ARHGAP35: variants seen among roughly 807,000 people sequenced by gnomAD.
ARHGAP35 encodes the protein Rho GTPase activating protein 35.
In ARHGAP35, 15 loss-of-function variants were observed where a neutral mutation model predicts 111.1. The observed-to-expected ratio is 0.13, with a 90% confidence interval of 0.09 to 0.21. The LOEUF is 0.21. Among genes scored for constraint, ARHGAP35 ranks in the 10% least tolerant of loss-of-function variants. The pLI is 1.00. For missense variants in ARHGAP35, 1,262 were observed against 1,873.0 expected, an observed-to-expected ratio of 0.67 and a Z score of 6.02; for synonymous variants, 643 against 710.3, an observed-to-expected ratio of 0.91 and a Z score of 1.51.
chr19:46,971,115 T>C (rs887550582), intron 3 of ARHGAP35, among the ~76,000 whole-genome samples: 3 of 152,072 alleles, frequency 2.0e-5, no homozygotes, highest in East Asian at 1.9e-4. Flanking sequence ...GAACTAAAAA[T>C]AGGCAAACTT....
intron 1 of ARHGAP35, among the ~76,000 whole-genome samples, chr19:46,906,665 GCTT>G (rs2056109869): frequency 6.6e-6 from 1 of 152,170 alleles, no homozygotes; most frequent in African/African-American, 2.4e-5. Context: ...CTGTTTCTTA[GCTT>G]CTTAGCCTTA....
At chr19:46,861,343 G>GC (rs1025046699) in intron 1 of ARHGAP35, among the ~76,000 whole-genome samples, 134 bp downstream of exon 1, 3,472 of 138,364 alleles carry the variant, frequency 0.025, 92 homozygotes, top group African/African-American at 0.059. Flanking sequence ...GGGAGGAGCG[G>GC]CCCCCCCCCC....
chr19:46,866,023 T>C (rs2055854515), intron 1 of ARHGAP35, among the ~76,000 whole-genome samples: 2 of 152,084 alleles, frequency 1.3e-5, no homozygotes, highest in Admixed American at 1.3e-4. Flanking sequence ...GTATTTTTAG[T>C]AGAGATGGGG....
intron 1 of ARHGAP35, among the ~76,000 whole-genome samples, chr19:46,909,472 T>C (rs1360504834): frequency 6.6e-6 from 1 of 152,158 alleles, no homozygotes; most frequent in Non-Finnish European, 1.5e-5. Context: ...GTAATCAATA[T>C]CCAAGAATCT....
intron 3 of ARHGAP35, among the ~76,000 whole-genome samples, chr19:46,982,222 A>G (rs554862868): frequency 2.6e-5 from 4 of 151,984 alleles, no homozygotes; most frequent in African/African-American, 9.6e-5. Context: ...CATGCCTGTA[A>G]TCCCAGCACT....
rs1730589132 is a variant in ARHGAP35 at position 46,908,060 on chromosome 19, T to A, written c.-188-10428T>A. On this transcript the variant is annotated intron_variant, in intron 1 of 6. Transcript: ENST00000672722. The surrounding 1 kb of genome is among the most constrained non-coding windows in gnomAD (Gnocchi z 4.2). Reference sequence around the variant, plus strand: ...ATTTTTCCCCATTGACAGAAATGCCTGTTTCTTCAGCACTGTCCTTTGTTG... The same window carrying A: ...ATTTTTCCCCATTGACAGAAATGCCAGTTTCTTCAGCACTGTCCTTTGTTG... Among the ~76,000 whole-genome samples, 1 of 152,208 alleles carries A rather than the reference T, an allele frequency of 6.6e-6. No individual in the cohort carries two copies. The highest frequency in any genetic ancestry group is 2.1e-4 in the South Asian group (1 of 4,830).
intron 3 of ARHGAP35, among the ~76,000 whole-genome samples, chr19:46,972,051 C>A (rs2056552964): frequency 6.6e-6 from 1 of 152,196 alleles, no homozygotes; most frequent in Non-Finnish European, 1.5e-5. Flanking sequence ...GCTCTGTCAC[C>A]CAGGCTGGAG....
At chr19:46,974,806 C>T (rs1339398967) in intron 3 of ARHGAP35, among the ~76,000 whole-genome samples, 6 of 152,168 alleles carry the variant, frequency 3.9e-5, no homozygotes, top group Non-Finnish European at 7.4e-5. Context: ...GACCAGCCCC[C>T]ATATCCTGCA....
chr19:46,998,659 C>T (rs1416770526), intron 5 of ARHGAP35, among the ~76,000 whole-genome samples: 1 of 152,250 alleles, frequency 6.6e-6, no homozygotes, highest in African/African-American at 2.4e-5. Flanking sequence ...GCGCGGGTTA[C>T]AAGCTGCATT....
rs568972766 is a variant in ARHGAP35, at chr19:46,992,325, G to C, written c.4036+2650G>C. 6.6e-6 allele frequency among the ~76,000 whole-genome samples: 1 copy of C among 152,198 alleles called. No individual in the cohort carries two copies. Among genetic ancestry groups the C allele is most frequent in the Non-Finnish European group, 1.5e-5 (1 of 68,032 alleles). The stretch of plus-strand genomic sequence containing the variant: ...AGCCGGGGCTTGAGTCCCTGCGTAC[G>C]TGGGTGCAAATGAAGTTCTCTGAAG... On this transcript the variant is annotated intron_variant, in intron 5 of 6. Coordinates refer to ENST00000672722, the MANE Select transcript of ARHGAP35 (RefSeq NM_004491.5). The surrounding 1 kb of genome is among the most constrained non-coding windows in gnomAD (Gnocchi z 4.4).
rs113476973 is a variant in ARHGAP35, at chr19:46,896,657, C to CA, written c.-188-21830dup. 5.2e-3 allele frequency among the ~76,000 whole-genome samples: 799 copies of CA among 152,262 alleles called. 11 individuals are homozygous for CA. The highest frequency in any genetic ancestry group is 0.019 in the African/African-American group (778 of 41,548). ...GGGGTTAAGCCACGTGTGTGGGCCT[C>CA]AGAGGCAGGCAGCTGGGGCCATACT... On this transcript the variant is annotated intron_variant, in intron 1 of 6. Transcript: ENST00000672722.
chr19:46,925,317 T>G (rs1356386438), intron 2 of ARHGAP35, among the ~76,000 whole-genome samples: 1 of 152,210 alleles, frequency 6.6e-6, no homozygotes, highest in Admixed American at 6.5e-5. Context: ...CTATTAAAAT[T>G]GCTGCAGTTC....
intron 1 of ARHGAP35, among the ~76,000 whole-genome samples, chr19:46,867,969 C>T (rs1055264682): frequency 1.3e-5 from 2 of 152,178 alleles, no homozygotes; most frequent in African/African-American, 2.4e-5. Flanking sequence ...TGGATTCCAG[C>T]GATTCTTGTG....
At chr19:46,937,640 G>T (rs1016626313) in intron 3 of ARHGAP35, among the ~76,000 whole-genome samples, 8 of 152,192 alleles carry the variant, frequency 5.3e-5, no homozygotes, top group Non-Finnish European at 1.0e-4. Context: ...GAGCTGTTCT[G>T]TGCTCAAGGT....
rs746393994 is a variant in ARHGAP35 at position 46,989,665 on chromosome 19, G to A, written c.4026G>A (p.Val1342=). The A allele has an allele frequency of 3.1e-6, 5 of 1,613,930 alleles. No homozygotes were observed. The East Asian group carries it at 1.1e-4, about 36-fold the overall frequency. Residue 1342 remains valine, a synonymous_variant, in exon 5 of 7, where the codon GTG becomes GTA. Coordinates refer to ENST00000672722, the MANE Select transcript of ARHGAP35 (RefSeq NM_004491.5). The surrounding 1 kb of genome is among the most constrained non-coding windows in gnomAD (Gnocchi z 5.3). ...LVPYNMQIDL[V]EAHKINDREQ... is the part of the protein sequence containing the mutation. Reference sequence around the variant, plus strand: ...CGTATAACATGCAGATCGACTTGGTGGAAGCACACAGTGAGTACCGGCAGC... The same window carrying A: ...CGTATAACATGCAGATCGACTTGGTAGAAGCACACAGTGAGTACCGGCAGC...
At chr19:46,973,701 T>C (rs955255795) in intron 3 of ARHGAP35, among the ~76,000 whole-genome samples, 4 of 125,084 alleles carry the variant, frequency 3.2e-5, no homozygotes, top group South Asian at 2.6e-4. Flanking sequence ...AAAAAAAAAA[T>C]TGAGGGCCAG....
intron 3 of ARHGAP35, among the ~76,000 whole-genome samples, chr19:46,983,444 C>G (rs1467993772): frequency 6.6e-6 from 1 of 152,032 alleles, no homozygotes; most frequent in Non-Finnish European, 1.5e-5. Flanking sequence ...TTGTTATTAG[C>G]TAGCTTCCTA....
At chr19:46,899,029 C>T (rs575017998) in intron 1 of ARHGAP35, among the ~76,000 whole-genome samples, 2 of 152,354 alleles carry the variant, frequency 1.3e-5, no homozygotes, top group African/African-American at 4.8e-5. Flanking sequence ...ACTGTGGAAG[C>T]CAGCTGGCAA....
intron 1 of ARHGAP35, among the ~76,000 whole-genome samples, chr19:46,911,831 A>G (rs1012781982): frequency 2.6e-5 from 4 of 152,142 alleles, no homozygotes; most frequent in African/African-American, 9.7e-5. Context: ...ATTCATCTGG[A>G]TTTTACAGAT....
Sources: gnomAD v4.1 joint callset for allele counts (sites outside exome capture counted in the v4.1 genomes callset) on GRCh38, gnomAD v4.1.1 for gene constraint, Gnocchi (gnomAD v3.1) non-coding constraint, MANE v1.5 for transcripts, NCBI Gene and HGNC (gene_info 2026-07-23, HGNC 2026-07-21) for gene names.